SRBD1: variants seen among roughly 807,000 people sequenced by gnomAD.
SRBD1 encodes the protein S1 RNA binding domain 1, also known as S1 RNA-binding domain-containing protein 1.
A neutral mutation model predicts 115.3 loss-of-function variants in SRBD1; 88 were observed. The ratio of observed to expected loss-of-function variants is 0.76; its 90% CI spans 0.64 to 0.91. SRBD1 has a LOEUF of 0.91. Ranked by LOEUF, SRBD1 falls within the 40% of genes least tolerant of loss-of-function variation. The probability of loss-of-function intolerance (pLI) is 0.00; values close to 1 mark genes in which losing one functional copy is unlikely to be tolerated. For missense variants in SRBD1, 1,385 were observed against 1,177.4 expected (o/e 1.18, Z -2.58); for synonymous variants, 509 against 407.7 (o/e 1.25, Z -2.99).
In SRBD1 at chr2:45,389,471, A is replaced by C; in HGVS notation, c.2827T>G (p.Ser943Ala). Residue 943 changes from serine to alanine, a missense_variant, in exon 21 of 21, where the codon TCT (serine) becomes GCT (alanine). Ser to Ala is a moderately conservative substitution (Grantham distance 99). Transcript: ENST00000263736. ...ACATTTCGTATGGGAATCAGCCCAGATTTCCCCACTCCTATATCCACAAAA... is the reference window on the plus strand; with the variant it reads ...ACATTTCGTATGGGAATCAGCCCAGCTTTCCCCACTCCTATATCCACAAAA... ...GIFVDIGVGKSGLIPIRNVTE... is the reference protein window; with the variant it reads ...GIFVDIGVGKAGLIPIRNVTE... 1 of 1,614,068 alleles carries C rather than the reference A, an allele frequency of 6.2e-7. No individual in the cohort carries two copies. Among genetic ancestry groups the C allele is most frequent in the Non-Finnish European group, 8.5e-7 (1 of 1,179,972 alleles).
chr2:45,511,318 G>C (rs988037952), intron 14 of SRBD1, among the ~76,000 whole-genome samples: 2 of 152,216 alleles, frequency 1.3e-5, no homozygotes, highest in Admixed American at 6.5e-5. Context: ...ATATGCAGAT[G>C]TAATAAGATG....
chr2:45,500,653 C>A (rs1257650236), intron 14 of SRBD1, among the ~76,000 whole-genome samples: 1 of 152,094 alleles, frequency 6.6e-6, no homozygotes, highest in East Asian at 1.9e-4. Context: ...TGCGCTCAAG[C>A]AATCCGCCCG....
At chr2:45,400,790 A>G (rs1381306966) in intron 19 of SRBD1, among the ~76,000 whole-genome samples, 1 of 152,148 alleles carries the variant, frequency 6.6e-6, no homozygotes, top group Non-Finnish European at 1.5e-5. Flanking sequence ...TATTACGCAC[A>G]TTTAACAGAC....
chr2:45,422,619 A>T (rs1396160757), intron 16 of SRBD1, among the ~76,000 whole-genome samples: 1 of 152,254 alleles, frequency 6.6e-6, no homozygotes, highest in African/African-American at 2.4e-5. Flanking sequence ...GGTCAGGAAT[A>T]GGTATTTGGT....
intron 10 of SRBD1, among the ~76,000 whole-genome samples, chr2:45,557,848 A>C (rs111943682): frequency 0.01 from 1,556 of 152,328 alleles, 28 homozygotes; most frequent in African/African-American, 0.035. Flanking sequence ...ATACATCTGA[A>C]TAAAACTAAG....
At chr2:45,440,851 T>C (rs1668648170) in intron 16 of SRBD1, among the ~76,000 whole-genome samples, 1 of 152,098 alleles carries the variant, frequency 6.6e-6, no homozygotes, top group African/African-American at 2.4e-5. Flanking sequence ...CAGGGAGGCA[T>C]CCTCCTGGTG....
chr2:45,519,455 T>G (rs1671216624), intron 14 of SRBD1, among the ~76,000 whole-genome samples: 1 of 152,218 alleles, frequency 6.6e-6, no homozygotes, highest in Admixed American at 6.5e-5. Context: ...AGGACCCAGG[T>G]GCTGGCCACT....
At chr2:45,459,500 T>C (rs993037931) in intron 16 of SRBD1, among the ~76,000 whole-genome samples, 1 of 152,152 alleles carries the variant, frequency 6.6e-6, no homozygotes, top group African/African-American at 2.4e-5. Flanking sequence ...TGAGGGTCCC[T>C]TGTAACCTGA....
intron 19 of SRBD1, among the ~76,000 whole-genome samples, chr2:45,397,127 G>A (rs868839828): frequency 6.6e-6 from 1 of 152,192 alleles, no homozygotes; most frequent in African/African-American, 2.4e-5. Context: ...AAATGAATAG[G>A]TACAGGTAGA....
At position 45,547,548 on chromosome 2, in the gene SRBD1, T is replaced by C. The variant is rs765872579; in HGVS notation, c.1740A>G (p.Lys580=). 1.2e-6 allele frequency: 2 copies of C among 1,613,878 alleles called. No homozygotes were observed. The highest frequency in any genetic ancestry group is 1.7e-6 in the Non-Finnish European group (2 of 1,179,810). The change falls in exon 13 of 21, where the codon AAA becomes AAG. Residue 580 remains lysine (K), a synonymous_variant. Transcript: ENST00000263736. ...HCGQGFREAE[K]IKTLLLNFNC... Reference sequence around the variant, plus strand: ...TGAAATTCAGCAAAAGTGTCTTTATTTTCTCCGCCTCTCGGAAGCCTTGTC... The same window carrying C: ...TGAAATTCAGCAAAAGTGTCTTTATCTTCTCCGCCTCTCGGAAGCCTTGTC...
At chr2:45,455,412 T>A (rs1669122396) in intron 16 of SRBD1, among the ~76,000 whole-genome samples, 1 of 151,920 alleles carries the variant, frequency 6.6e-6, no homozygotes, top group African/African-American at 2.4e-5. Flanking sequence ...AATCATCACC[T>A]GGGCTGCCTA....
intron 14 of SRBD1, among the ~76,000 whole-genome samples, chr2:45,497,895 A>G (rs555171048): frequency 6.6e-6 from 1 of 152,228 alleles, no homozygotes; most frequent in Admixed American, 6.5e-5. Flanking sequence ...TCAGCCCGGC[A>G]TGGTGACATG....
chr2:45,543,520 T>C (rs1004503488), intron 14 of SRBD1, among the ~76,000 whole-genome samples: 2 of 152,194 alleles, frequency 1.3e-5, no homozygotes, highest in African/African-American at 4.8e-5. Context: ...AGATTATAGA[T>C]TAACCTATCA....
intron 10 of SRBD1, among the ~76,000 whole-genome samples, chr2:45,562,415 G>A (rs929881205): frequency 1.4e-4 from 21 of 152,008 alleles, no homozygotes; most frequent in Non-Finnish European, 1.6e-4. Flanking sequence ...TGTATTTTCA[G>A]TAGAGACAGG....
intron 14 of SRBD1, among the ~76,000 whole-genome samples, chr2:45,503,685 G>A (rs1201286390): frequency 6.6e-6 from 1 of 152,140 alleles, no homozygotes; most frequent in Admixed American, 6.5e-5. Context: ...ATTAGCAACT[G>A]TGTGAAACAT....
intron 16 of SRBD1, among the ~76,000 whole-genome samples, chr2:45,434,520 T>C (rs1257938386): frequency 6.6e-6 from 1 of 152,186 alleles, no homozygotes; most frequent in Admixed American, 6.5e-5. Context: ...CTGTCAAGGA[T>C]CTCCTACCTC....
intron 15 of SRBD1, 84 bp from the exon 16 acceptor site, chr2:45,477,159 TA>T (rs1669828532): frequency 9.1e-7 from 1 of 1,096,230 alleles, no homozygotes; most frequent in Admixed American, 1.9e-5. Flanking sequence ...TCTCATAATG[TA>T]AGTACTTAAT....
rs1395906216 is a variant in SRBD1, at chr2:45,476,809, C to G, written c.2049+184G>C. ...TAAGTCTTAATCAAAATCATTAACACGAGAACAACAATGACAAAAATAATT... is the reference window on the plus strand; with the variant it reads ...TAAGTCTTAATCAAAATCATTAACAGGAGAACAACAATGACAAAAATAATT... On this transcript the variant is annotated intron_variant, in intron 16 of 20. Coordinates refer to ENST00000263736, the MANE Select transcript of SRBD1 (RefSeq NM_018079.5). 3.9e-5 allele frequency among the ~76,000 whole-genome samples: 6 copies of G among 152,134 alleles called. No homozygotes were observed. In the East Asian group the frequency reaches 1.2e-3, roughly 29 times the overall value.
rs143602909 is a variant in SRBD1 at position 45,594,932 on chromosome 2, T to C, written c.648+4517A>G. Among the ~76,000 whole-genome samples the C allele has an allele frequency of 3.1e-4, 47 of 152,310 alleles. No individual in the cohort carries two copies. In the East Asian group the frequency reaches 7.9e-3, roughly 26 times the overall value. On this transcript the variant is annotated intron_variant, in intron 4 of 20. Transcript: ENST00000263736. ...TACAAAAAGACTGAAGTAACTTCAT[T>C]TTATCTGTTATTTTTCTATTTTTCT...
Sources: allele counts gnomAD v4.1 joint callset (sites outside exome capture counted in the v4.1 genomes callset), GRCh38; gene constraint gnomAD v4.1.1; transcripts MANE v1.5; gene names NCBI Gene and HGNC (gene_info 2026-07-23, HGNC 2026-07-21).